The following KCNH8 variants were observed in gnomAD, a reference collection of about 807,000 sequenced individuals.
KCNH8 encodes voltage-gated delayed rectifier potassium channel KCNH8.
KCNH8 carries 70 observed loss-of-function variants against 103.6 expected under a neutral mutation model. That is an observed-to-expected ratio of 0.68 (90% confidence interval 0.56 to 0.82). The LOEUF is 0.82. KCNH8 is among the 40% of genes least tolerant of loss of function. The pLI, the probability that KCNH8 is intolerant of heterozygous loss-of-function variation, is 0.00. For missense variants in KCNH8, 1,217 were observed against 1,329.9 expected (o/e 0.92, Z 1.32); for synonymous variants, 498 against 489.4 (o/e 1.02, Z -0.23).
Position 19,492,820 on chromosome 3 carries a change from A to T in KCNH8, c.2041-17543A>T, listed in dbSNP as rs2068351794. ...TGATTCTTCTAGTCCTTGAGCATGG[A>T]ATGTTTTTTCGTGTGTGTGTGTGTG... On this transcript the variant is annotated intron_variant, in intron 11 of 15. Coordinates refer to ENST00000328405, the MANE Select transcript of KCNH8 (RefSeq NM_144633.3). 2.1e-5 allele frequency among the ~76,000 whole-genome samples: 3 copies of T among 141,604 alleles called. No individual in the cohort carries two copies. In the Admixed American group the frequency reaches 2.1e-4, roughly 10 times the overall value. 92.9% of individuals were successfully genotyped at this position (141,604 alleles called of 152,430 possible).
At chr3:19,342,430 A>G (rs1293370744) in intron 3 of KCNH8, among the ~76,000 whole-genome samples, 157 bp from the exon 4 acceptor site, 1 of 152,152 alleles carries the variant, frequency 6.6e-6, no homozygotes, top group Non-Finnish European at 1.5e-5. Flanking sequence ...TAAATCATAA[A>G]GGACTAAAAT....
chr3:19,455,178 G>T (rs1401849567), intron 10 of KCNH8, among the ~76,000 whole-genome samples: 3 of 152,084 alleles, frequency 2.0e-5, no homozygotes, highest in African/African-American at 4.8e-5. Context: ...ACCTGGAAAG[G>T]GTAGGGGCAG....
intron 1 of KCNH8, among the ~76,000 whole-genome samples, chr3:19,235,955 C>G (rs1283540413): frequency 6.6e-6 from 1 of 152,112 alleles, no homozygotes; most frequent in Non-Finnish European, 1.5e-5. Context: ...AACATAGGGC[C>G]TTGTAGTTAG....
chr3:19,478,118 C>A lies in KCNH8; in HGVS notation c.2040+21136C>A, dbSNP rs182302295. On this transcript the variant is annotated intron_variant, in intron 11 of 15. Coordinates refer to ENST00000328405, the MANE Select transcript of KCNH8 (RefSeq NM_144633.3). ...TTATTTTTTATGGCCTAGTAGTATT[C>A]CATGGTTTATATACACAGTTTAGGA... Among the ~76,000 whole-genome samples the A allele has an allele frequency of 5.9e-5, 9 of 152,180 alleles. No homozygotes were observed. The East Asian group carries it at 1.7e-3, about 29-fold the overall frequency.
At chr3:19,504,565 C>T (rs946320679) in intron 11 of KCNH8, among the ~76,000 whole-genome samples, 5 of 152,044 alleles carry the variant, frequency 3.3e-5, no homozygotes, top group South Asian at 2.1e-4. Context: ...AAGTGGCCAA[C>T]AGTCATATGA....
intron 5 of KCNH8, among the ~76,000 whole-genome samples, chr3:19,384,567 A>G (rs1485612913): frequency 6.6e-6 from 1 of 152,218 alleles, no homozygotes; most frequent in East Asian, 1.9e-4. Flanking sequence ...TGACAATTTA[A>G]TAAGGCTGCA....
chr3:19,326,358 T>C (rs1280050575), intron 3 of KCNH8, among the ~76,000 whole-genome samples: 3 of 53,316 alleles, frequency 5.6e-5, no homozygotes, highest in African/African-American at 3.9e-4. Flanking sequence ...GAAAGTTAAA[T>C]ATATATATAT....
chr3:19,396,847 C>G (rs1194798912), intron 7 of KCNH8, among the ~76,000 whole-genome samples: 4 of 151,912 alleles, frequency 2.6e-5, no homozygotes, highest in Non-Finnish European at 5.9e-5. Flanking sequence ...GATCTCTGCC[C>G]TTTGTTTTGA....
intron 1 of KCNH8, among the ~76,000 whole-genome samples, chr3:19,159,331 T>C (rs902223821): frequency 6.6e-6 from 1 of 151,654 alleles, no homozygotes; most frequent in African/African-American, 2.4e-5. Flanking sequence ...CACACAAATA[T>C]AATATAGTGT....
chr3:19,193,841 C>G (rs1456510005), intron 1 of KCNH8, among the ~76,000 whole-genome samples: 1 of 151,690 alleles, frequency 6.6e-6, no homozygotes, highest in Admixed American at 6.6e-5. Flanking sequence ...TAGCACTTCT[C>G]TCTTGTAGTT....
Position 19,174,332 on chromosome 3 carries a change from T to C in KCNH8, c.76+25537T>C, listed in dbSNP as rs372819672. 1.4e-4 allele frequency among the ~76,000 whole-genome samples: 22 copies of C among 152,302 alleles called. No homozygotes were observed. In the South Asian group the frequency reaches 4.6e-3, roughly 32 times the overall value. The stretch of plus-strand genomic sequence containing the variant: ...TCAAATACATTTGAATAAAATAAAT[T>C]TTTAAAACACAAATATGGCAGTTTC... On this transcript the variant is annotated intron_variant, in intron 1 of 15. Transcript: ENST00000328405.
chr3:19,400,231 C>CAAAAAAAAAAAAAAAAA (rs11422314), intron 7 of KCNH8, among the ~76,000 whole-genome samples: 1 of 53,108 alleles, frequency 1.9e-5, no homozygotes, highest in Non-Finnish European at 3.3e-5. Context: ...TGTTAGCCAG[C>CAAAAAAAAAAAAAAAAA]AAAAAAAAAA....
At chr3:19,205,956 C>T (rs2063709850) in intron 1 of KCNH8, among the ~76,000 whole-genome samples, 1 of 151,712 alleles carries the variant, frequency 6.6e-6, no homozygotes, top group African/African-American at 2.4e-5. Context: ...TTTTATCTCT[C>T]ACGCCCTTTC....
At chr3:19,300,900 C>CTTT (rs1245360392) in intron 3 of KCNH8, among the ~76,000 whole-genome samples, 1 of 151,602 alleles carries the variant, frequency 6.6e-6, no homozygotes, top group Non-Finnish European at 1.5e-5. Context: ...TTGCCTAAAT[C>CTTT]TTTTTTCTTA....
intron 7 of KCNH8, among the ~76,000 whole-genome samples, chr3:19,409,631 C>T (rs531401855): frequency 6.6e-6 from 1 of 152,056 alleles, no homozygotes; most frequent in African/African-American, 2.4e-5. Flanking sequence ...CTGTTTCACA[C>T]GTACTGACAC....
chr3:19,168,158 T>C lies in KCNH8; in HGVS notation c.76+19363T>C, dbSNP rs2063304194. Among the ~76,000 whole-genome samples, 3 of 151,932 alleles carry C rather than the reference T, an allele frequency of 2.0e-5. No homozygotes were observed. In the South Asian group the frequency reaches 6.2e-4, roughly 32 times the overall value. On this transcript the variant is annotated intron_variant, in intron 1 of 15. Coordinates refer to ENST00000328405, the MANE Select transcript of KCNH8 (RefSeq NM_144633.3). ...CCGAGTAGCTGGGATTACAGGTGCC[T>C]GCCGCCATGCCCAGCTAACTTTTTT...
At chr3:19,397,520 CGT>C (rs1559308239) in intron 7 of KCNH8, among the ~76,000 whole-genome samples, 1 of 148,514 alleles carries the variant, frequency 6.7e-6, no homozygotes, top group African/African-American at 2.5e-5. Flanking sequence ...CATATATATA[CGT>C]GTGTATATAT....
At position 19,523,616 on chromosome 3, in the gene KCNH8, T is replaced by C. The variant is rs578249728; in HGVS notation, c.2619+5542T>C. On this transcript the variant is annotated intron_variant, in intron 15 of 15. Transcript: ENST00000328405. ...CCATTTGAAGCGTGGAGCACAGTTGTTCGGTTTGAAAGATAAAAACATCAT... is the reference window on the plus strand; with the variant it reads ...CCATTTGAAGCGTGGAGCACAGTTGCTCGGTTTGAAAGATAAAAACATCAT... Among the ~76,000 whole-genome samples the C allele has an allele frequency of 2.0e-5, 3 of 152,046 alleles. No homozygotes were observed. In the East Asian group the frequency reaches 5.8e-4, roughly 30 times the overall value.
chr3:19,455,576 TAAA>T (rs2067518776), intron 10 of KCNH8, among the ~76,000 whole-genome samples: 1 of 152,068 alleles, frequency 6.6e-6, no homozygotes, highest in African/African-American at 2.4e-5. Flanking sequence ...CACAAGACTG[TAAA>T]ATTAGTGAGG....
Sources: allele counts gnomAD v4.1 joint callset (sites outside exome capture counted in the v4.1 genomes callset), GRCh38; gene constraint gnomAD v4.1.1; transcripts MANE v1.5; gene names NCBI Gene and HGNC (gene_info 2026-07-23, HGNC 2026-07-21).